DGKI: variants seen among roughly 807,000 people sequenced by gnomAD.
The protein encoded by DGKI is DAG kinase iota.
A neutral mutation model predicts 147.5 loss-of-function variants in DGKI; 55 were observed. The observed-to-expected ratio is 0.37, with a 90% CI of 0.30 to 0.47. DGKI has a LOEUF of 0.47. DGKI is among the 20% of genes least tolerant of loss of function. The pLI is 1.00. For synonymous variants in DGKI, 469 were observed against 477.1 expected (o/e 0.98, Z 0.22); for missense variants, 1,007 against 1,323.8 (o/e 0.76, Z 3.71).
chr7:137,386,421 GAT>G lies in DGKI; in HGVS notation c.*4797_*4798del, dbSNP rs1811178210. 1 of 152,086 alleles carries G rather than the reference GAT, an allele frequency of 6.6e-6. No homozygotes were observed. The highest frequency in any genetic ancestry group is 1.9e-4 in the East Asian group (1 of 5,198). The allele number at this position is 152,086 out of a possible 1,614,324, so 9.4% of individuals were successfully genotyped here. The stretch of plus-strand genomic sequence containing the variant: ...TGTGTACCCTCATGGGACTAAGACA[GAT>G]ATTTGCTAAACCTGATAGATTTTCA... On this transcript the variant is annotated 3_prime_UTR_variant, in exon 33 of 33. Transcript: ENST00000614521.
At chr7:137,664,377 CAA>C (rs1190186766) in intron 3 of DGKI, among the ~76,000 whole-genome samples, 2 of 56,066 alleles carry the variant, frequency 3.6e-5, no homozygotes, top group Non-Finnish European at 5.3e-5. Flanking sequence ...GACTCCATCT[CAA>C]AAAAAAAAAA....
intron 31 of DGKI, among the ~76,000 whole-genome samples, chr7:137,396,657 T>C (rs1382488165): frequency 3.3e-5 from 5 of 152,124 alleles, no homozygotes; most frequent in Non-Finnish European, 5.9e-5. Context: ...TTCTCCTCCT[T>C]CCCACATGCT....
intron 28 of DGKI, among the ~76,000 whole-genome samples, chr7:137,430,467 A>G (rs529096139): frequency 3.3e-3 from 500 of 151,934 alleles, no homozygotes; most frequent in Non-Finnish European, 5.4e-3. Context: ...TGACGTGTTA[A>G]TGGGTGCAGC....
At chr7:137,417,186 T>A (rs1337706861) in intron 28 of DGKI, among the ~76,000 whole-genome samples, 3 of 152,204 alleles carry the variant, frequency 2.0e-5, no homozygotes, top group Non-Finnish European at 4.4e-5. Context: ...TCCTTCATAC[T>A]AAGGAAACAA....
chr7:137,645,327 T>C lies in DGKI; in HGVS notation c.804+145A>G, dbSNP rs1037428389. ...TGAGTTCTAGAACAACTACAATGCCTCTTAAGGAGACCTGGACAAGTAAGG... is the reference window on the plus strand; with the variant it reads ...TGAGTTCTAGAACAACTACAATGCCCCTTAAGGAGACCTGGACAAGTAAGG... On this transcript the variant is annotated intron_variant, in intron 6 of 32. Coordinates refer to ENST00000614521, the MANE Select transcript of DGKI (RefSeq NM_001321708.2). 22 of 580,910 alleles carry C rather than the reference T, an allele frequency of 3.8e-5. No individual in the cohort carries two copies. The East Asian group carries it at 4.3e-4, about 11-fold the overall frequency. 36.0% of individuals were successfully genotyped at this position (580,910 alleles called of 1,614,324 possible). A position where few individuals can be genotyped will look rare whatever the true frequency, so the allele number is the denominator to read the frequency against.
At chr7:137,395,546 C>T (rs1478270069) in intron 32 of DGKI, 52 bp downstream of exon 32, 20 of 1,542,898 alleles carry the variant, frequency 1.3e-5, no homozygotes, top group South Asian at 7.8e-5. Flanking sequence ...AAGGCAACAG[C>T]GCCTGCGATC....
chr7:137,616,391 G>T (rs1189889717), intron 8 of DGKI, among the ~76,000 whole-genome samples: 1 of 152,114 alleles, frequency 6.6e-6, no homozygotes, highest in Admixed American at 6.5e-5. Flanking sequence ...ATCATAGACG[G>T]TAATAAAAAG....
At chr7:137,624,400 A>G (rs915760319) in intron 6 of DGKI, among the ~76,000 whole-genome samples, 2 of 152,274 alleles carry the variant, frequency 1.3e-5, no homozygotes, top group African/African-American at 4.8e-5. Context: ...AAAAGAAAAC[A>G]GAAAGATGTG....
intron 28 of DGKI, among the ~76,000 whole-genome samples, chr7:137,430,735 G>C (rs1257004215): frequency 2.0e-5 from 3 of 152,064 alleles, no homozygotes; most frequent in African/African-American, 7.2e-5. Flanking sequence ...TGGTAGAAAA[G>C]CTGGGGGTAC....
chr7:137,442,872 T>A (rs932732824), intron 28 of DGKI, among the ~76,000 whole-genome samples: 15 of 152,186 alleles, frequency 9.9e-5, no homozygotes, highest in African/African-American at 3.6e-4. Context: ...AAATAAAGCA[T>A]GAAATTTGCG....
At position 137,627,316 on chromosome 7, in the gene DGKI, T is replaced by C. The variant is rs77430569; in HGVS notation, c.805-3762A>G. Among the ~76,000 whole-genome samples the C allele has an allele frequency of 9.6e-3, 1,467 of 152,330 alleles. 23 individuals carry two copies. Among genetic ancestry groups the C allele is most frequent in the African/African-American group, 0.033 (1,390 of 41,574 alleles). ...TGTGGCTGGTTATTTTGTGTGCACA[T>C]GTATTATCTCTCAATGGAACTGTAA... On this transcript the variant is annotated intron_variant, in intron 6 of 32. Coordinates refer to ENST00000614521, the MANE Select transcript of DGKI (RefSeq NM_001321708.2).
chr7:137,642,840 T>C (rs572518260), intron 6 of DGKI, among the ~76,000 whole-genome samples: 1 of 151,812 alleles, frequency 6.6e-6, no homozygotes, highest in Non-Finnish European at 1.5e-5. Context: ...TCTGTAAAGT[T>C]TGCAAGCCAT....
intron 21 of DGKI, among the ~76,000 whole-genome samples, chr7:137,517,027 T>C (rs1274241978): frequency 6.6e-6 from 1 of 151,792 alleles, no homozygotes; most frequent in East Asian, 1.9e-4. Flanking sequence ...GTATATCACA[T>C]AAGTCTTGAC....
At chr7:137,461,612 T>C (rs1814445837) in intron 27 of DGKI, among the ~76,000 whole-genome samples, 1 of 152,234 alleles carries the variant, frequency 6.6e-6, no homozygotes. Flanking sequence ...CTGTGTCTTC[T>C]ATGAGACAGG....
intron 28 of DGKI, among the ~76,000 whole-genome samples, chr7:137,414,916 G>A (rs1415464287): frequency 6.6e-6 from 1 of 152,180 alleles, no homozygotes; most frequent in African/African-American, 2.4e-5. Context: ...CCTCTCGGTA[G>A]TTAGGATAAA....
intron 1 of DGKI, among the ~76,000 whole-genome samples, chr7:137,741,966 G>A (rs966540348): frequency 6.6e-6 from 1 of 152,142 alleles, no homozygotes; most frequent in African/African-American, 2.4e-5. Flanking sequence ...TGTCAAAAAT[G>A]TATATTAGCC....
chr7:137,615,364 T>C (rs1389267718), intron 8 of DGKI, among the ~76,000 whole-genome samples: 1 of 152,142 alleles, frequency 6.6e-6, no homozygotes, highest in Non-Finnish European at 1.5e-5. Context: ...TTTGTGGAAA[T>C]GGATCACGGT....
rs1811345228 is a variant in DGKI at position 137,391,126 on chromosome 7, T to G, written c.*94A>C. 2 of 949,950 alleles carry G rather than the reference T, an allele frequency of 2.1e-6. No individual in the cohort carries two copies. Among genetic ancestry groups the G allele is most frequent in the Non-Finnish European group, 3.5e-6 (2 of 578,956 alleles). The allele number at this position is 949,950 out of a possible 1,614,324, so 58.8% of individuals were successfully genotyped here. A position where few individuals can be genotyped will look rare whatever the true frequency, so the allele number is the denominator to read the frequency against. ...TTCTTGCAGGAGAGAGACAGATATA[T>G]GAATTCCATCAGCTTCTTCCAGGGG... On this transcript the variant is annotated 3_prime_UTR_variant, in exon 33 of 33. Coordinates refer to ENST00000614521, the MANE Select transcript of DGKI (RefSeq NM_001321708.2).
chr7:137,601,265 T>C (rs1016630887), intron 10 of DGKI, among the ~76,000 whole-genome samples: 1 of 151,232 alleles, frequency 6.6e-6, no homozygotes, highest in Non-Finnish European at 1.5e-5. Context: ...AGCGAGACTC[T>C]GTCTCAAAAA....
Sources: allele counts gnomAD v4.1 joint callset (sites outside exome capture counted in the v4.1 genomes callset), GRCh38; gene constraint gnomAD v4.1.1; transcripts MANE v1.5; gene names NCBI Gene and HGNC (gene_info 2026-07-23, HGNC 2026-07-21).